Variants in TMBIM1 observed in about 807,000 individuals in gnomAD.
TMBIM1 encodes the protein transmembrane BAX inhibitor motif containing 1.
TMBIM1 carries 34 observed loss-of-function variants against 45.1 expected under a neutral mutation model. The ratio of observed to expected loss-of-function variants is 0.75; its 90% confidence interval spans 0.57 to 1.00. The LOEUF (loss-of-function observed/expected upper bound fraction) is 1.00. Ranked by LOEUF, TMBIM1 falls within the 50% of genes least tolerant of loss-of-function variation. The probability of loss-of-function intolerance (pLI) is 0.00; values close to 1 mark genes in which losing one functional copy is unlikely to be tolerated. For synonymous variants in TMBIM1, 157 were observed against 153.5 expected (o/e 1.02, Z -0.17); for missense variants, 374 against 402.4 (o/e 0.93, Z 0.60).
chr2:218,282,083 G>A lies in TMBIM1; in HGVS notation c.59C>T (p.Pro20Leu). Reference protein sequence around the residue: ...YEDRNPLYPGPPPPGGYGQPS... With the variant: ...YEDRNPLYPGLPPPGGYGQPS... ...CTGCCCATAGCCCCCAGGGGGCGGA[G>A]GGCCTGGGTACAGGGGGTTGCGGTC... Residue 20 changes from proline (P) to leucine (L), a missense_variant, in exon 2 of 12, where the codon CCT becomes CTT. By Grantham distance (98) the Pro-to-Leu change is moderately conservative. Transcript: ENST00000258412. The A allele has an allele frequency of 3.8e-6, 6 of 1,588,606 alleles. No homozygotes were observed. The highest frequency in any genetic ancestry group is 5.1e-6 in the Non-Finnish European group (6 of 1,168,306).
At chr2:218,290,569 C>G (rs564479788) in intron 1 of TMBIM1, among the ~76,000 whole-genome samples, 291 of 152,308 alleles carry the variant, frequency 1.9e-3, no homozygotes, top group African/African-American at 6.8e-3. Flanking sequence ...GCTATCCCAC[C>G]GTGGGATTTA....
chr2:218,277,873 T>C lies in TMBIM1; in HGVS notation c.513+62A>G. ...TCCTTCTGAAATGGGTCCCCATCCC[T>C]TCCCTGGGAGCAGTCTCCCTCACAG... is the stretch of plus-strand genomic sequence containing the variant. On this transcript the variant is annotated intron_variant, in intron 7 of 11. Transcript: ENST00000258412. 4 of 1,609,368 alleles carry C rather than the reference T, an allele frequency of 2.5e-6. No homozygotes were observed. In the South Asian group the frequency reaches 3.3e-5, roughly 13 times the overall value.
In TMBIM1 at chr2:218,276,421, G is replaced by A. The variant is rs115600187; in HGVS notation, c.736-342C>T. On this transcript the variant is annotated intron_variant, in intron 10 of 11. Transcript: ENST00000258412. The stretch of plus-strand genomic sequence containing the variant: ...AGACCAGTTCCTACAGCCCAGCCTG[G>A]GAGGGGTAGACTAAGGAAGAAGGGA... 3.8e-3 allele frequency among the ~76,000 whole-genome samples: 579 copies of A among 152,262 alleles called. 6 individuals carry two copies. The highest frequency in any genetic ancestry group is 0.012 in the African/African-American group (498 of 41,548).
chr2:218,276,420 G>T (rs2106188759), intron 10 of TMBIM1, among the ~76,000 whole-genome samples: 1 of 152,298 alleles, frequency 6.6e-6, no homozygotes, highest in Non-Finnish European at 1.5e-5. Context: ...AGCCCAGCCT[G>T]GGAGGGGTAG....
chr2:218,275,264 A>G lies in TMBIM1; in HGVS notation c.*211T>C. 3.8e-6 allele frequency: 2 copies of G among 522,406 alleles called. No homozygotes were observed. Among genetic ancestry groups the G allele is most frequent in the Non-Finnish European group, 6.3e-6 (2 of 316,816 alleles). 32.4% of individuals were successfully genotyped at this position (522,406 alleles called of 1,614,324 possible). The stretch of plus-strand genomic sequence containing the variant: ...AGCCTAGTCCCTGCCAAGCCCACCA[A>G]GAGCAACAGTTAGTCCCTAGCTCCT... On this transcript the variant is annotated 3_prime_UTR_variant, in exon 12 of 12. Transcript: ENST00000258412.
intron 1 of TMBIM1, chr2:218,285,666 G>A (rs986527338): frequency 1.1e-4 from 17 of 152,288 alleles, no homozygotes; most frequent in African/African-American, 3.1e-4. Context: ...GGGACAGGAC[G>A]AGATCCTAGC....
chr2:218,290,718 A>G (rs941740821), intron 1 of TMBIM1, among the ~76,000 whole-genome samples: 18 of 152,316 alleles, frequency 1.2e-4, no homozygotes, highest in East Asian at 1.9e-4. Flanking sequence ...CTTCCCACCA[A>G]TGGAGGTACC....
intron 2 of TMBIM1, chr2:218,280,447 T>C: frequency 3.1e-6 from 1 of 320,044 alleles, no homozygotes; most frequent in Non-Finnish European, 6.0e-6. Context: ...GGGCATCCAC[T>C]GGGGCAGCCA....
At chr2:218,278,367 C>A in intron 6 of TMBIM1, 148 bp downstream of exon 6, 1 of 812,604 alleles carries the variant, frequency 1.2e-6, no homozygotes, top group South Asian at 1.6e-5. Context: ...TTTGTATACA[C>A]CTGAACAGTA....
intron 1 of TMBIM1, among the ~76,000 whole-genome samples, chr2:218,284,916 C>T (rs4672882): frequency 0.35 from 53,486 of 151,998 alleles, 9,846 homozygotes; most frequent in Middle Eastern, 0.5. Context: ...ATGGTGAAAC[C>T]CCGTCTCTAC....
chr2:218,280,120 C>T lies in TMBIM1; in HGVS notation c.209G>A (p.Gly70Asp), dbSNP rs772648346. ...THPMPMNYGP[G>D]HGYDGEERAV... is the part of the protein sequence containing the mutation. ...TCTCTCCTCCCCATCATAGCCATGG[C>T]CTGGGCCTAGGGACAGATGACACTT... is the stretch of plus-strand genomic sequence containing the variant. The change falls in exon 3 of 12, where the codon GGC becomes GAC. Residue 70 changes from glycine (G) to aspartate (D), a missense_variant. By Grantham distance (94) the Gly-to-Asp change is moderately conservative. Coordinates refer to ENST00000258412, the MANE Select transcript of TMBIM1 (RefSeq NM_022152.6). 1.2e-6 allele frequency: 2 copies of T among 1,613,664 alleles called. No homozygotes were observed. Among genetic ancestry groups the T allele is most frequent in the Admixed American group, 3.3e-5 (2 of 59,998 alleles).
At chr2:218,280,415 G>C (rs987837472) in intron 2 of TMBIM1, 1 of 367,950 alleles carries the variant, frequency 2.7e-6, no homozygotes, top group Non-Finnish European at 5.1e-6. Flanking sequence ...ATGTAGTGGG[G>C]AAGCCAGGCA....
chr2:218,285,835 T>G (rs1692460833), intron 1 of TMBIM1: 1 of 152,918 alleles, frequency 6.5e-6, no homozygotes, highest in African/African-American at 2.4e-5. Context: ...GTTTGGCAGC[T>G]TTAGAGCCTG....
chr2:218,279,032 A>G lies in TMBIM1; in HGVS notation c.422+6T>C. 1 of 1,613,996 alleles carries G rather than the reference A, an allele frequency of 6.2e-7. No individual in the cohort carries two copies. ...CCTGCCCAACCACAGAGGAGCACAC[A>G]CTCACTAGGACACGTAGTAGACAGC... On this transcript the variant is annotated splice_donor_region_variant and intron_variant, in intron 5 of 11. Coordinates refer to ENST00000258412, the MANE Select transcript of TMBIM1 (RefSeq NM_022152.6).
intron 4 of TMBIM1, 70 bp downstream of exon 4, chr2:218,279,219 C>G (rs372402169): frequency 1.9e-6 from 3 of 1,554,230 alleles, no homozygotes; most frequent in Non-Finnish European, 2.6e-6. Context: ...CCCACCGCCA[C>G]CCACACCCCC....
rs544454080 is a variant in TMBIM1, at chr2:218,292,158, A to G, written c.-41+308T>C. Among the ~76,000 whole-genome samples, 3 of 152,226 alleles carry G rather than the reference A, an allele frequency of 2.0e-5. No homozygotes were observed. In the South Asian group the frequency reaches 6.2e-4, roughly 32 times the overall value. On this transcript the variant is annotated intron_variant, in intron 1 of 11. Transcript: ENST00000258412. ...GCGACAGAGAGGCCACTCGTGCCCG[A>G]AAGAGGGAACACGAGGACACCCCCA... is the stretch of plus-strand genomic sequence containing the variant.
At chr2:218,278,951 G>C in intron 5 of TMBIM1, 87 bp downstream of exon 5, 1 of 1,518,086 alleles carries the variant, frequency 6.6e-7, no homozygotes. Context: ...AAAGCATTTT[G>C]ATCCTGCCCT....
Position 218,275,306 on chromosome 2 carries a change from C to T in TMBIM1, c.*169G>A. The stretch of plus-strand genomic sequence containing the variant: ...CTAGCTCCTCCGTCCCCACCAAGTA[C>T]CCACACATCCATAGCCAGAGAGGCC... On this transcript the variant is annotated 3_prime_UTR_variant, in exon 12 of 12. Coordinates refer to ENST00000258412, the MANE Select transcript of TMBIM1 (RefSeq NM_022152.6). 1.2e-6 allele frequency: 1 copy of T among 818,116 alleles called. No individual in the cohort carries two copies. The highest frequency in any genetic ancestry group is 1.8e-6 in the Non-Finnish European group (1 of 565,346). The allele number at this position is 818,116 out of a possible 1,614,324, so 50.7% of individuals were successfully genotyped here.
rs1691580118 is a variant in TMBIM1 at position 218,279,105 on chromosome 2, G to A, written c.369-14C>T. 1 of 1,613,938 alleles carries A rather than the reference G, an allele frequency of 6.2e-7. No individual in the cohort carries two copies. The highest frequency in any genetic ancestry group is 1.1e-5 in the South Asian group (1 of 91,088). ...CTGACAGGTTCCCTGTGGGGCACAG[G>A]AGGACAGGAGTAGTCACCCTGAGGC... On this transcript the variant is annotated splice_polypyrimidine_tract_variant and intron_variant, in intron 4 of 11. Transcript: ENST00000258412.
Sources: gnomAD v4.1 joint callset for allele counts (sites outside exome capture counted in the v4.1 genomes callset) on GRCh38, gnomAD v4.1.1 for gene constraint, MANE v1.5 for transcripts, NCBI Gene and HGNC (gene_info 2026-07-23, HGNC 2026-07-21) for gene names.